The following AK1 variants were observed in gnomAD, a reference collection of about 807,000 sequenced individuals.
AK1 encodes the protein adenylate kinase isoenzyme 1.
AK1 carries 13 observed loss-of-function variants against 23.9 expected under a neutral mutation model. The observed-to-expected ratio is 0.54, with a 90% CI of 0.35 to 0.86. The LOEUF (loss-of-function observed/expected upper bound fraction) is 0.86, where lower values mean the gene tolerates loss of function less well. Among genes scored for constraint, AK1 ranks in the 40% least tolerant of loss-of-function variants. AK1 has a pLI of 0.01. For missense variants in AK1, 214 were observed against 255.1 expected (o/e 0.84, Z 1.10); for synonymous variants, 97 against 102.8 (o/e 0.94, Z 0.34).
In AK1 at chr9:127,867,007, C is replaced by CTTTTTTT. The variant is rs869298613; in HGVS notation, c.*994_*1000dup. The CTTTTTTT allele has an allele frequency of 7.8e-5, 9 of 115,086 alleles. No homozygotes were observed. The highest frequency in any genetic ancestry group is 1.9e-4 in the African/African-American group (5 of 26,904). The allele number at this position is 115,086 out of a possible 1,614,324, so 7.1% of individuals were successfully genotyped here. On this transcript the variant is annotated 3_prime_UTR_variant, in exon 7 of 7. Transcript: ENST00000644144. ...GACCATGACTCCCCCAATTCAATTT[C>CTTTTTTT]TTTTTTTTTTTTTTTTTTTTTGAGA...
chr9:127,869,888 T>C (rs1398515705), intron 5 of AK1, among the ~76,000 whole-genome samples: 1 of 152,218 alleles, frequency 6.6e-6, no homozygotes, highest in African/African-American at 2.4e-5. Flanking sequence ...GCAGAGGTGG[T>C]AAATCTGGGA....
chr9:127,878,382 C>T (rs995417390), upstream of AK1: 1 of 152,260 alleles, frequency 6.6e-6, no homozygotes, highest in African/African-American at 2.4e-5. Flanking sequence ...ATAATGAGCA[C>T]TCACTGTGCT....
Position 127,866,949 on chromosome 9 carries a change from C to A in AK1, c.*1059G>T, listed in dbSNP as rs1386321450. The A allele has an allele frequency of 6.6e-6, 1 of 151,612 alleles. No individual in the cohort carries two copies. The highest frequency in any genetic ancestry group is 1.5e-5 in the Non-Finnish European group (1 of 67,974). 9.4% of individuals were successfully genotyped at this position (151,612 alleles called of 1,614,324 possible). A position where few individuals can be genotyped will look rare whatever the true frequency, so the allele number is the denominator to read the frequency against. ...ACAGAGGGTGGGCTGTGTCCAGGGC[C>A]ACACAGGGGGAGGTCCTTCAGGTCT... is the stretch of plus-strand genomic sequence containing the variant. On this transcript the variant is annotated 3_prime_UTR_variant, in exon 7 of 7. Transcript: ENST00000644144.
rs950588967 is a variant in AK1 at position 127,868,325 on chromosome 9, C to A, written c.512G>T (p.Arg171Leu). The A allele has an allele frequency of 5.7e-6, 9 of 1,584,510 alleles. No individual in the cohort carries two copies. Among genetic ancestry groups the A allele is most frequent in the Non-Finnish European group, 6.0e-6 (7 of 1,165,062 alleles). ...IAFYEKRGIV[R>L]KVNAEGSVDS... is the part of the protein sequence containing the mutation. ...CCCTGGGCCCGCGGGGCCCACCTTG[C>A]GCACAATGCCACGTTTCTCATAGAA... The change falls in exon 6 of 7, where the codon CGC becomes CTC. Residue 171 changes from arginine to leucine, a missense_variant. By Grantham distance (102) the Arg-to-Leu change is moderately radical. Coordinates refer to ENST00000644144, the MANE Select transcript of AK1 (RefSeq NM_000476.3). The surrounding 1 kb of genome is among the most constrained non-coding windows in gnomAD (Gnocchi z 4.1).
intron 2 of AK1, chr9:127,874,149 G>C (rs1447499768): frequency 1.0e-6 from 1 of 985,322 alleles, no homozygotes; most frequent in Admixed American, 6.1e-5. Flanking sequence ...GCTGAGGGCG[G>C]GCCCGTTCTG....
At chr9:127,872,010 G>A (rs1369843569) in intron 4 of AK1, 71 bp from the exon 5 acceptor site, 15 of 1,310,942 alleles carry the variant, frequency 1.1e-5, no homozygotes, top group East Asian at 4.6e-5. Context: ...CTCTGCTCAC[G>A]CTGCTCCTGC....
chr9:127,872,813 G>T lies in AK1; in HGVS notation c.84C>A (p.Ile28=), dbSNP rs375333097. The change falls in exon 4 of 7, where the codon ATC becomes ATA. Residue 28 remains isoleucine, a synonymous_variant. Transcript: ENST00000644144. ...GGTGGGTGTAGCCATACTTCTGCAC[G>T]ATCTTCTCACACTGGGTGCCCTTCC... ...GSGKGTQCEK[I]VQKYGYTHLS... 1.9e-6 allele frequency: 3 copies of T among 1,613,956 alleles called. No homozygotes were observed. In the African/African-American group the frequency reaches 4.0e-5, roughly 22 times the overall value.
At chr9:127,879,153 G>A (rs1245420623), upstream of AK1, among the ~76,000 whole-genome samples, 1 of 152,040 alleles carries the variant, frequency 6.6e-6, no homozygotes, top group Non-Finnish European at 1.5e-5. Context: ...GGAAACATGT[G>A]GGCACAAATT....
At chr9:127,870,304 A>G (rs1011770730) in intron 5 of AK1, among the ~76,000 whole-genome samples, 2 of 151,706 alleles carry the variant, frequency 1.3e-5, no homozygotes, top group African/African-American at 4.8e-5. Flanking sequence ...CCAGGTTCAA[A>G]TGATTCTCGT....
Position 127,871,745 on chromosome 9 carries a change from C to T in AK1, c.324+78G>A. 4 of 1,208,698 alleles carry T rather than the reference C, an allele frequency of 3.3e-6. No homozygotes were observed. The highest frequency in any genetic ancestry group is 1.2e-5 in the South Asian group (1 of 82,954). The allele number at this position is 1,208,698 out of a possible 1,614,324, so 74.9% of individuals were successfully genotyped here. On this transcript the variant is annotated intron_variant, in intron 5 of 6. Coordinates refer to ENST00000644144, the MANE Select transcript of AK1 (RefSeq NM_000476.3). The surrounding 1 kb of genome is among the most constrained non-coding windows in gnomAD (Gnocchi z 4.4). Reference sequence around the variant, plus strand: ...CAGAACTCTGACCTGCATCACAGCCCCCGCAGGCCCGCCCATGGGGATGGG... The same window carrying T: ...CAGAACTCTGACCTGCATCACAGCCTCCGCAGGCCCGCCCATGGGGATGGG...
At position 127,868,381 on chromosome 9, in the gene AK1, G is replaced by T. The variant is rs746380720; in HGVS notation, c.456C>A (p.Thr152=). 99 of 1,611,924 alleles carry T rather than the reference G, an allele frequency of 6.1e-5. No homozygotes were observed. The highest frequency in any genetic ancestry group is 7.9e-5 in the Non-Finnish European group (93 of 1,179,294). ...NEETIKKRLE[T]YYKATEPVIA... ...TGACAGGTTCTGTGGCCTTGTAATAGGTCTCCAGCCGCTTTTTGATGGTCT... is the reference window on the plus strand; with the variant it reads ...TGACAGGTTCTGTGGCCTTGTAATATGTCTCCAGCCGCTTTTTGATGGTCT... The change falls in exon 6 of 7, where the codon ACC becomes ACA. Residue 152 remains threonine (T), a synonymous_variant. Transcript: ENST00000644144. This position sits in a 1 kb window ranked among gnomAD's most constrained non-coding sequence, Gnocchi z 4.1.
Position 127,874,661 on chromosome 9 carries a change from G to A in AK1, c.-32-12C>T, listed in dbSNP as rs1829496611. 6.2e-7 allele frequency: 1 copy of A among 1,613,254 alleles called. No individual in the cohort carries two copies. The highest frequency in any genetic ancestry group is 1.3e-5 in the African/African-American group (1 of 74,922). ...GCCGTGTCAGTGCTCTGTAAGACAA[G>A]GGCACAGGTTGGGGAGGGATTTTCC... On this transcript the variant is annotated splice_polypyrimidine_tract_variant and intron_variant, in intron 1 of 6. Transcript: ENST00000644144.
At chr9:127,872,539 C>A in intron 4 of AK1, 151 bp downstream of exon 4, 2 of 1,051,616 alleles carry the variant, frequency 1.9e-6, no homozygotes, top group Admixed American at 2.0e-5. Context: ...AAGGAACTTT[C>A]TGTCCAGGGC....
At chr9:127,869,771 C>A (rs570691555) in intron 5 of AK1, among the ~76,000 whole-genome samples, 1 of 152,346 alleles carries the variant, frequency 6.6e-6, no homozygotes, top group East Asian at 1.9e-4. Flanking sequence ...TCACCCACCC[C>A]CCATCATCAT....
rs984599240 is a variant in AK1 at position 127,868,641 on chromosome 9, G to A, written c.325-129C>T. On this transcript the variant is annotated intron_variant, in intron 5 of 6. Coordinates refer to ENST00000644144, the MANE Select transcript of AK1 (RefSeq NM_000476.3). This position sits in a 1 kb window ranked among gnomAD's most constrained non-coding sequence, Gnocchi z 4.1. ...TTCAATCCCTTCCCCAAGGCAGCCT[G>A]AAAGACCTTCCTAAAACCAATCTTT... is the stretch of plus-strand genomic sequence containing the variant. 33 of 1,094,450 alleles carry A rather than the reference G, an allele frequency of 3.0e-5. No homozygotes were observed. The Admixed American group carries it at 3.5e-4, about 12-fold the overall frequency. The allele number at this position is 1,094,450 out of a possible 1,614,324, so 67.8% of individuals were successfully genotyped here.
rs1333404268 is a variant in AK1 at position 127,868,606 on chromosome 9, C to A, written c.325-94G>T. The A allele has an allele frequency of 3.6e-6, 5 of 1,397,004 alleles. No homozygotes were observed. The highest frequency in any genetic ancestry group is 4.9e-6 in the Non-Finnish European group (5 of 1,018,160). 86.5% of individuals were successfully genotyped at this position (1,397,004 alleles called of 1,614,324 possible). ...CATCTATGAAGCCCCAGTAGATACC[C>A]CCTCAGACCTTCAATCCCTTCCCCA... On this transcript the variant is annotated intron_variant, in intron 5 of 6. Coordinates refer to ENST00000644144, the MANE Select transcript of AK1 (RefSeq NM_000476.3). This position sits in a 1 kb window ranked among gnomAD's most constrained non-coding sequence, Gnocchi z 4.1.
intron 1 of AK1, 66 bp from the exon 2 acceptor site, chr9:127,874,715 C>T: frequency 6.6e-7 from 1 of 1,514,486 alleles, no homozygotes; most frequent in Non-Finnish European, 9.1e-7. Context: ...TTCCACTAAG[C>T]CACACCCAAG....
At chr9:127,878,082 G>A (rs574244308), upstream of AK1, among the ~76,000 whole-genome samples, 8 of 152,332 alleles carry the variant, frequency 5.3e-5, no homozygotes, top group Non-Finnish European at 1.0e-4. Context: ...ACCAGGGAGC[G>A]AGAGGGCTGA....
Position 127,867,539 on chromosome 9 carries a change from C to A in AK1, c.*469G>T, listed in dbSNP as rs1027401047. ...CCAGGCATGGAACATATGCTCAGAG[C>A]GATGGGGGTCAGGGCCAAGGCCACA... On this transcript the variant is annotated 3_prime_UTR_variant, in exon 7 of 7. Transcript: ENST00000644144. The A allele has an allele frequency of 9.2e-6, 2 of 216,654 alleles. No individual in the cohort carries two copies. Among genetic ancestry groups the A allele is most frequent in the East Asian group, 1.2e-4 (1 of 8,660 alleles). The allele number at this position is 216,654 out of a possible 1,614,324, so 13.4% of individuals were successfully genotyped here.
Sources: allele counts gnomAD v4.1 joint callset (sites outside exome capture counted in the v4.1 genomes callset), GRCh38; gene constraint gnomAD v4.1.1; non-coding constraint Gnocchi (gnomAD v3.1); transcripts MANE v1.5; gene names NCBI Gene and HGNC (gene_info 2026-07-23, HGNC 2026-07-21).